POLE2: variants seen among roughly 807,000 people sequenced by gnomAD.
POLE2 encodes DNA polymerase epsilon 2, accessory subunit.
Under a neutral mutation model 79.4 loss-of-function variants are expected in POLE2, and 56 were observed. The ratio of observed to expected loss-of-function variants is 0.71; its 90% CI spans 0.57 to 0.88. The LOEUF (loss-of-function observed/expected upper bound fraction) is 0.88, where lower values mean the gene tolerates loss of function less well. Among genes scored for constraint, POLE2 ranks in the 40% least tolerant of loss-of-function variants. POLE2 has a pLI of 0.00. For missense variants in POLE2, 598 were observed against 638.9 expected, an observed-to-expected ratio of 0.94 and a Z score of 0.69; for synonymous variants, 212 against 214.0, an observed-to-expected ratio of 0.99 and a Z score of 0.08.
At chr14:49,665,429 T>C (rs1885411913) in intron 7 of POLE2, among the ~76,000 whole-genome samples, 1 of 152,164 alleles carries the variant, frequency 6.6e-6, no homozygotes, top group South Asian at 2.1e-4. Context: ...ATGTCTGCCA[T>C]AAGGAGGGTC....
At chr14:49,681,054 T>C (rs1248026483) in intron 2 of POLE2, among the ~76,000 whole-genome samples, 3 of 152,228 alleles carry the variant, frequency 2.0e-5, no homozygotes, top group African/African-American at 4.8e-5. Flanking sequence ...TCCTATATAA[T>C]TGAAGTGACT....
At chr14:49,652,165 C>T (rs562549450) in intron 15 of POLE2, among the ~76,000 whole-genome samples, 3 of 38,638 alleles carry the variant, frequency 7.8e-5, no homozygotes, top group African/African-American at 2.4e-4. Flanking sequence ...GAATAGAATA[C>T]GGAGAGGAGA....
intron 10 of POLE2, among the ~76,000 whole-genome samples, chr14:49,656,771 T>G (rs1421813332): frequency 1.3e-5 from 2 of 152,118 alleles, no homozygotes; most frequent in African/African-American, 4.8e-5. Flanking sequence ...GATTTTCCCA[T>G]TATACACTCT....
At position 49,653,457 on chromosome 14, in the gene POLE2, A is replaced by C. The variant is rs1244136464; in HGVS notation, c.1211+533T>G. On this transcript the variant is annotated intron_variant, in intron 15 of 18. Coordinates refer to ENST00000216367, the MANE Select transcript of POLE2 (RefSeq NM_002692.4). ...TAATAATATCTATTTTTAAACTGCT[A>C]TCCATTATTCAAGAGTCTGAATTGA... Among the ~76,000 whole-genome samples, 6 of 152,338 alleles carry C rather than the reference A, an allele frequency of 3.9e-5. No individual in the cohort carries two copies. In the South Asian group the frequency reaches 6.2e-4, roughly 16 times the overall value.
Position 49,647,716 on chromosome 14 carries a change from T to C in POLE2, c.1498-356A>G, listed in dbSNP as rs1389929826. On this transcript the variant is annotated intron_variant, in intron 17 of 18. Transcript: ENST00000216367. ...CAGGTGATCTGCTCACCTCGGCCTC[T>C]CAGAGTGCTGGGATTACAGGCATGA... Among the ~76,000 whole-genome samples the C allele has an allele frequency of 3.3e-5, 5 of 152,112 alleles. No individual in the cohort carries two copies. In the East Asian group the frequency reaches 9.6e-4, roughly 29 times the overall value.
intron 5 of POLE2, among the ~76,000 whole-genome samples, chr14:49,673,595 T>C (rs1886046183): frequency 6.6e-6 from 1 of 152,236 alleles, no homozygotes; most frequent in Non-Finnish European, 1.5e-5. Flanking sequence ...GTATCTCTTT[T>C]ATAGCACATA....
At position 49,688,186 on chromosome 14, in the gene POLE2, C is replaced by G; in HGVS notation, c.18G>C (p.Leu6=). 1.3e-6 allele frequency: 2 copies of G among 1,538,648 alleles called. No homozygotes were observed. Among genetic ancestry groups the G allele is most frequent in the Non-Finnish European group, 1.7e-6 (2 of 1,144,442 alleles). ...TGAAGGCGGAGAGCGCCCGGCTCCG[C>G]AGCCGCTCCGGCGCCATATTTGCGA... MAPER[L]RSRALSAFKL... is the part of the protein sequence containing the mutation. The change falls in exon 1 of 19, where the codon CTG becomes CTC. Residue 6 remains leucine, a synonymous_variant. Transcript: ENST00000216367.
chr14:49,662,110 A>G (rs1885139059), intron 10 of POLE2, among the ~76,000 whole-genome samples: 1 of 152,208 alleles, frequency 6.6e-6, no homozygotes, highest in South Asian at 2.1e-4. Flanking sequence ...AAACTGCACC[A>G]AAAGCACTCA....
At chr14:49,651,455 A>G in intron 15 of POLE2, 78 bp from the exon 16 acceptor site, 1 of 613,952 alleles carries the variant, frequency 1.6e-6, no homozygotes, top group Admixed American at 3.0e-5. Flanking sequence ...CTCTTACAAT[A>G]CAACCCCATT....
chr14:49,650,767 A>G (rs952598779), intron 16 of POLE2, among the ~76,000 whole-genome samples: 14 of 152,142 alleles, frequency 9.2e-5, no homozygotes, highest in Admixed American at 9.2e-4. Flanking sequence ...TGGTCCATAA[A>G]CTTTAAATAT....
At chr14:49,647,005 G>GT (rs1883825134) in intron 18 of POLE2, 1 of 254,398 alleles carries the variant, frequency 3.9e-6, no homozygotes, top group East Asian at 8.2e-5. Flanking sequence ...TCTCAGAAGA[G>GT]TGAGACCATC....
At chr14:49,670,349 T>C (rs966393274) in intron 5 of POLE2, among the ~76,000 whole-genome samples, 1 of 135,496 alleles carries the variant, frequency 7.4e-6, no homozygotes, top group African/African-American at 3.0e-5. Flanking sequence ...AAAAAAGACA[T>C]TTCAGGCAGA....
Position 49,651,902 on chromosome 14 carries a change from CCTCAGACTGGAG to C in POLE2, c.1212-537_1212-526del, listed in dbSNP as rs202004666. ...CAAAGGGAACAGATGGAGCCCAGGC[CCTCAGACTGGAG>C]CTCGCCTGGCATCCTTGAGGAACAG... On this transcript the variant is annotated intron_variant, in intron 15 of 18. Transcript: ENST00000216367. Among the ~76,000 whole-genome samples, 3 of 152,072 alleles carry C rather than the reference CCTCAGACTGGAG, an allele frequency of 2.0e-5. No homozygotes were observed. The East Asian group carries it at 5.8e-4, about 30-fold the overall frequency.
chr14:49,646,310 T>TTG (rs1883766660), intron 18 of POLE2, among the ~76,000 whole-genome samples: 1 of 57,438 alleles, frequency 1.7e-5, no homozygotes, highest in African/African-American at 4.5e-5. Flanking sequence ...TGGTTTTTTT[T>TTG]TTTTTTTTTT....
rs756423975 is a variant in POLE2, at chr14:49,655,709, T to C, written c.890A>G (p.Gln297Arg). The change falls in exon 11 of 19, where the codon CAG (glutamine) becomes CGG (arginine). Residue 297 changes from glutamine (Q) to arginine (R), a missense_variant. Transcript: ENST00000216367. ...FVFLSDVWLD[Q>R]VEVLEKLRIM... ...GCGAAGTTTTTCCAATACTTCCACC[T>C]GGTCCAACCAAACATCAGATAAAAA... 3 of 1,610,104 alleles carry C rather than the reference T, an allele frequency of 1.9e-6. No homozygotes were observed. The South Asian group carries it at 3.3e-5, about 18-fold the overall frequency.
intron 10 of POLE2, among the ~76,000 whole-genome samples, chr14:49,659,434 T>A (rs1158797095): frequency 6.6e-6 from 1 of 152,068 alleles, no homozygotes; most frequent in Non-Finnish European, 1.5e-5. Flanking sequence ...AGAAAAAAGC[T>A]CACAAAATCA....
At chr14:49,669,265 T>C (rs1885702634) in intron 6 of POLE2, among the ~76,000 whole-genome samples, 1 of 152,152 alleles carries the variant, frequency 6.6e-6, no homozygotes, top group Non-Finnish European at 1.5e-5. Context: ...GAGCTAGGAA[T>C]CTACCTTGGA....
At chr14:49,672,790 C>T (rs1479734713) in intron 5 of POLE2, among the ~76,000 whole-genome samples, 2 of 152,068 alleles carry the variant, frequency 1.3e-5, no homozygotes, top group Admixed American at 6.6e-5. Flanking sequence ...TGAGCCACTG[C>T]GCCTAGCCTC....
intron 7 of POLE2, 120 bp from the exon 8 acceptor site, chr14:49,665,283 G>C: frequency 1.6e-6 from 1 of 611,476 alleles, no homozygotes. Flanking sequence ...TTAAAAATCA[G>C]CTATTATTTC....
Sources: gnomAD v4.1 joint callset for allele counts (sites outside exome capture counted in the v4.1 genomes callset) on GRCh38, gnomAD v4.1.1 for gene constraint, MANE v1.5 for transcripts, NCBI Gene and HGNC (gene_info 2026-07-23, HGNC 2026-07-21) for gene names.